The following SHROOM2 variants were observed in gnomAD, a reference collection of about 807,000 sequenced individuals.
The protein encoded by SHROOM2 is protein Shroom2.
In SHROOM2, 33 loss-of-function variants were observed where a neutral mutation model predicts 75.9. The observed-to-expected ratio is 0.43, with a 90% CI of 0.33 to 0.58. The LOEUF is 0.58. Ranked by LOEUF, SHROOM2 falls within the 20% of genes least tolerant of loss-of-function variation. SHROOM2 has a pLI of 0.04. For synonymous variants in SHROOM2, 655 were observed against 663.6 expected (o/e 0.99, Z 0.20); for missense variants, 1,434 against 1,461.2 (o/e 0.98, Z 0.30).
rs139328743 is a variant in SHROOM2 at position 9,887,728 on chromosome X, A to G, written c.318-3249A>G. ...TCTAGAAAATCTCTAAAAGGTAGTTATCTGCACATGATAGAAGGGTTGGGG... is the reference window on the plus strand; with the variant it reads ...TCTAGAAAATCTCTAAAAGGTAGTTGTCTGCACATGATAGAAGGGTTGGGG... On this transcript the variant is annotated intron_variant, in intron 2 of 9. Transcript: ENST00000380913. Among the ~76,000 whole-genome samples, 583 of 112,798 alleles carry G rather than the reference A, an allele frequency of 5.2e-3. 7 individuals carry two copies. Among genetic ancestry groups the G allele is most frequent in the African/African-American group, 0.018 (553 of 31,061 alleles).
chrX:9,792,706 G>A (rs183821862), intron 1 of SHROOM2, among the ~76,000 whole-genome samples: 2 of 109,326 alleles, frequency 1.8e-5, no homozygotes, highest in African/African-American at 6.7e-5. Context: ...TAGAAGGGAA[G>A]GGGCAAGCAT....
chrX:9,907,284 G>A (rs1401562822), intron 5 of SHROOM2, among the ~76,000 whole-genome samples: 1 of 110,690 alleles, frequency 9.0e-6, no homozygotes, highest in Non-Finnish European at 1.9e-5. Flanking sequence ...TTTACCTGTG[G>A]CTCCCTGAGC....
chrX:9,787,996 T>C (rs1350494153), intron 1 of SHROOM2, among the ~76,000 whole-genome samples: 6 of 108,559 alleles, frequency 5.5e-5, no homozygotes, highest in African/African-American at 1.0e-4. Context: ...TTTCTTCTTT[T>C]TTTTTTTTGA....
chrX:9,904,498 G>T (rs2084381123), intron 5 of SHROOM2, among the ~76,000 whole-genome samples: 1 of 111,873 alleles, frequency 8.9e-6, no homozygotes, highest in Non-Finnish European at 1.9e-5. Flanking sequence ...GTGGAAAGCT[G>T]CCCCTTTGTT....
chrX:9,848,510 C>CACAAAA (rs1555927073), intron 1 of SHROOM2, among the ~76,000 whole-genome samples: 39 of 21,998 alleles, frequency 1.8e-3, no homozygotes, highest in African/African-American at 5.2e-3. Context: ...GACTCCGTCT[C>CACAAAA]AAAAAAAAAA....
intron 5 of SHROOM2, among the ~76,000 whole-genome samples, chrX:9,930,637 C>T (rs917303189): frequency 1.2e-4 from 13 of 112,052 alleles, no homozygotes; most frequent in African/African-American, 4.2e-4. Context: ...GAGCGCTTCT[C>T]AGAATGCAAA....
intron 1 of SHROOM2, among the ~76,000 whole-genome samples, chrX:9,795,043 G>A (rs1159425086): frequency 1.8e-5 from 2 of 111,695 alleles, no homozygotes; most frequent in Non-Finnish European, 3.8e-5. Context: ...GAGATCAGAC[G>A]TTTTTGTTTC....
intron 5 of SHROOM2, chrX:9,913,237 C>A (rs1010177674): frequency 8.9e-6 from 1 of 112,450 alleles, no homozygotes. Context: ...GGTGAGTCAG[C>A]TACATCCTCA....
At chrX:9,914,490 G>C (rs185139570) in intron 5 of SHROOM2, among the ~76,000 whole-genome samples, 33 of 110,907 alleles carry the variant, frequency 3.0e-4, no homozygotes, top group East Asian at 2.3e-3. Context: ...CTGATGTCTT[G>C]TATCCACCCA....
At chrX:9,908,896 G>C (rs1019929575) in intron 5 of SHROOM2, among the ~76,000 whole-genome samples, 1 of 110,407 alleles carries the variant, frequency 9.1e-6, no homozygotes, top group African/African-American at 3.3e-5. Context: ...AGTGAGCTAT[G>C]ATGGTGCCAC....
At position 9,820,218 on chromosome X, in the gene SHROOM2, C is replaced by T. The variant is rs192847090; in HGVS notation, c.165+33508C>T. 7.1e-5 allele frequency among the ~76,000 whole-genome samples: 7 copies of T among 98,425 alleles called. No homozygotes were observed. In the East Asian group the frequency reaches 1.3e-3, roughly 18 times the overall value. The allele number at this position is 98,425 out of a possible 115,157, so 85.5% of individuals were successfully genotyped here. A position where few individuals can be genotyped will look rare whatever the true frequency, so the allele number is the denominator to read the frequency against. ...TATGAAGAGTTGTCCAGTAGAGTCT[C>T]ATCATATGTCGACTGAAGCTGGCAC... On this transcript the variant is annotated intron_variant, in intron 1 of 9. Transcript: ENST00000380913.
At chrX:9,815,620 T>TATA (rs1443383073) in intron 1 of SHROOM2, among the ~76,000 whole-genome samples, 1 of 89,688 alleles carries the variant, frequency 1.1e-5, no homozygotes, top group Non-Finnish European at 2.2e-5. Flanking sequence ...GGGAGTTTAT[T>TATA]AAGTATTACA....
chrX:9,823,165 T>C (rs1455756194), intron 1 of SHROOM2, among the ~76,000 whole-genome samples: 3 of 16,165 alleles, frequency 1.9e-4, no homozygotes, highest in African/African-American at 5.2e-4. Context: ...TCTTCTTCTT[T>C]TCTTCTTCTT....
At chrX:9,893,717 C>T (rs758684072) in intron 3 of SHROOM2, among the ~76,000 whole-genome samples, 1 of 110,399 alleles carries the variant, frequency 9.1e-6, no homozygotes, top group Admixed American at 9.7e-5. Context: ...TTTGGGAGGC[C>T]GAGGCAGGCA....
chrX:9,793,676 A>G (rs992011188), intron 1 of SHROOM2, among the ~76,000 whole-genome samples: 1 of 110,741 alleles, frequency 9.0e-6, no homozygotes, highest in Non-Finnish European at 1.9e-5. Flanking sequence ...TAATGTGATT[A>G]CATCATAATT....
chrX:9,875,110 A>AAAAAAAAAAAAAAAAAAAAG (rs2084192753), intron 2 of SHROOM2, among the ~76,000 whole-genome samples: 3 of 93,114 alleles, frequency 3.2e-5, no homozygotes, highest in African/African-American at 8.2e-5. Flanking sequence ...AAAAAAAAAA[A>AAAAAAAAAAAAAAAAAAAAG]GGGGAGGAAG....
intron 1 of SHROOM2, among the ~76,000 whole-genome samples, chrX:9,816,358 G>C (rs955408961): frequency 8.9e-6 from 1 of 112,502 alleles, no homozygotes; most frequent in Non-Finnish European, 1.9e-5. Flanking sequence ...TGAATCAAAA[G>C]AATAGGATTG....
intron 1 of SHROOM2, among the ~76,000 whole-genome samples, chrX:9,858,362 T>C (rs1195718690): frequency 4.4e-5 from 5 of 112,538 alleles, no homozygotes; most frequent in African/African-American, 1.6e-4. Context: ...GGACACTTTG[T>C]TCTAATGGCC....
intron 1 of SHROOM2, among the ~76,000 whole-genome samples, chrX:9,816,104 A>G (rs912485641): frequency 1.8e-5 from 2 of 112,392 alleles, no homozygotes; most frequent in East Asian, 5.6e-4. Context: ...TCCATGTTGT[A>G]GTGTGTATCA....
Sources: gnomAD v4.1 joint callset for allele counts (sites outside exome capture counted in the v4.1 genomes callset) on GRCh38, gnomAD v4.1.1 for gene constraint, MANE v1.5 for transcripts, NCBI Gene and HGNC (gene_info 2026-07-23, HGNC 2026-07-21) for gene names.